Variants in NALF1 observed in about 807,000 individuals in gnomAD.
NALF1 encodes NALCN channel auxiliary factor 1.
In NALF1, 3 loss-of-function variants were observed where a neutral mutation model predicts 48.4. The observed-to-expected ratio is 0.06, with a 90% CI of 0.03 to 0.16. NALF1 has a LOEUF of 0.16. Among genes scored for constraint, NALF1 ranks in the 10% least tolerant of loss-of-function variants. The pLI is 1.00. For synonymous variants in NALF1, 262 were observed against 245.7 expected, an observed-to-expected ratio of 1.07 and a Z score of -0.62; for missense variants, 526 against 571.5, an observed-to-expected ratio of 0.92 and a Z score of 0.81.
intron 1 of NALF1, among the ~76,000 whole-genome samples, chr13:107,847,757 G>A (rs1880210514): frequency 6.6e-6 from 1 of 152,154 alleles, no homozygotes; most frequent in Non-Finnish European, 1.5e-5. Flanking sequence ...AACCCTGGCT[G>A]ACACCTTGAC....
intron 1 of NALF1, among the ~76,000 whole-genome samples, chr13:107,378,028 C>T (rs550947382): frequency 1.3e-5 from 2 of 152,238 alleles, no homozygotes; most frequent in African/African-American, 4.8e-5. Context: ...GCTAAAATGC[C>T]ATCTCATCCT....
chr13:107,397,057 C>A (rs1041098053), intron 1 of NALF1, among the ~76,000 whole-genome samples: 1 of 152,162 alleles, frequency 6.6e-6, no homozygotes, highest in African/African-American at 2.4e-5. Context: ...AGGTCTAACA[C>A]CTGGGACTAG....
intron 1 of NALF1, among the ~76,000 whole-genome samples, chr13:107,396,211 A>G (rs4384481): frequency 0.63 from 95,542 of 151,960 alleles, 30,074 homozygotes; most frequent in African/African-American, 0.65. Flanking sequence ...AGATTAGGTG[A>G]CTTATGTCCT....
intron 1 of NALF1, among the ~76,000 whole-genome samples, chr13:107,824,772 G>A (rs957785473): frequency 1.3e-4 from 20 of 152,214 alleles, no homozygotes; most frequent in African/African-American, 4.8e-4. Context: ...GAATCCTGAC[G>A]AGCATGCAGG....
intron 1 of NALF1, among the ~76,000 whole-genome samples, chr13:107,682,882 CA>C (rs1407375684): frequency 6.6e-6 from 1 of 152,148 alleles, no homozygotes; most frequent in Non-Finnish European, 1.5e-5. Context: ...CAAACTCTTT[CA>C]AAAGCCTATG....
At chr13:107,741,532 G>A (rs368992107) in intron 1 of NALF1, among the ~76,000 whole-genome samples, 6,819 of 152,280 alleles carry the variant, frequency 0.045, 405 homozygotes, top group African/African-American at 0.13. Context: ...ATTTAACACT[G>A]AGAAAATGAT....
intron 1 of NALF1, among the ~76,000 whole-genome samples, chr13:107,779,975 G>A (rs550033369): frequency 1.9e-4 from 29 of 149,320 alleles, no homozygotes; most frequent in Admixed American, 2.7e-4. Flanking sequence ...AGTATGGAAT[G>A]TTTATCTTCA....
intron 1 of NALF1, among the ~76,000 whole-genome samples, chr13:107,535,925 C>T (rs1876792116): frequency 6.6e-6 from 1 of 152,104 alleles, no homozygotes; most frequent in Admixed American, 6.6e-5. Context: ...TAATACTACA[C>T]ATCTACAACC....
chr13:107,672,415 G>A (rs910091840), intron 1 of NALF1, among the ~76,000 whole-genome samples: 1 of 152,106 alleles, frequency 6.6e-6, no homozygotes, highest in Non-Finnish European at 1.5e-5. Flanking sequence ...GTAGCACATA[G>A]GGGAGGTGCT....
At chr13:107,255,997 T>C (rs1317946142) in intron 1 of NALF1, among the ~76,000 whole-genome samples, 1 of 152,186 alleles carries the variant, frequency 6.6e-6, no homozygotes, top group Non-Finnish European at 1.5e-5. Flanking sequence ...CATTATTTGA[T>C]AATATATGTT....
chr13:107,205,784 A>AAATGAT (rs1879627870), intron 2 of NALF1, among the ~76,000 whole-genome samples: 1 of 152,100 alleles, frequency 6.6e-6, no homozygotes, highest in South Asian at 2.1e-4. Context: ...TCTATCAATC[A>AAATGAT]AATGATAATT....
intron 2 of NALF1, among the ~76,000 whole-genome samples, chr13:107,185,094 A>G (rs1879143788): frequency 6.6e-6 from 1 of 152,216 alleles, no homozygotes; most frequent in Non-Finnish European, 1.5e-5. Flanking sequence ...GGATTAGAGC[A>G]GCGCAACTAC....
Position 107,554,482 on chromosome 13 carries a change from C to T in NALF1, c.915+311200G>A, listed in dbSNP as rs140514968. On this transcript the variant is annotated intron_variant, in intron 1 of 2. Coordinates refer to ENST00000375915, the MANE Select transcript of NALF1 (RefSeq NM_001080396.3). ...CAGGGTGCCGCTGGCCAAGGAAAGA[C>T]CCAGGCCAGGCAGTGCAACCAGTCC... 1.1e-3 allele frequency among the ~76,000 whole-genome samples: 172 copies of T among 152,220 alleles called. 1 individual carries two copies. The highest frequency in any genetic ancestry group is 3.9e-3 in the African/African-American group (162 of 41,542).
At chr13:107,710,840 TATAA>T (rs1181902125) in intron 1 of NALF1, among the ~76,000 whole-genome samples, 3 of 149,656 alleles carry the variant, frequency 2.0e-5, no homozygotes, top group Non-Finnish European at 3.0e-5. Flanking sequence ...CAGAGACACG[TATAA>T]ATATACACAG....
intron 1 of NALF1, among the ~76,000 whole-genome samples, chr13:107,664,197 C>A (rs1332643709): frequency 1.3e-5 from 2 of 152,288 alleles, no homozygotes; most frequent in East Asian, 1.9e-4. Context: ...GTTTGCAGGA[C>A]AAACCTAATG....
At chr13:107,231,865 A>G (rs1451329864) in intron 1 of NALF1, among the ~76,000 whole-genome samples, 1 of 152,220 alleles carries the variant, frequency 6.6e-6, no homozygotes, top group African/African-American at 2.4e-5. Flanking sequence ...ACGACTGTAG[A>G]TAGCTTCCCT....
intron 1 of NALF1, among the ~76,000 whole-genome samples, chr13:107,460,688 T>C (rs1310231609): frequency 1.3e-5 from 2 of 152,226 alleles, no homozygotes; most frequent in Non-Finnish European, 2.9e-5. Flanking sequence ...TTGTATACAG[T>C]ACGATATACA....
intron 1 of NALF1, among the ~76,000 whole-genome samples, chr13:107,385,836 AT>A (rs960825533): frequency 1.3e-5 from 2 of 152,122 alleles, no homozygotes; most frequent in African/African-American, 2.4e-5. Context: ...ATTTTTAAAC[AT>A]TTTTTTCTCA....
At chr13:107,499,717 C>T (rs1875455136) in intron 1 of NALF1, among the ~76,000 whole-genome samples, 1 of 152,170 alleles carries the variant, frequency 6.6e-6, no homozygotes, top group Admixed American at 6.6e-5. Context: ...CAGTTACTTC[C>T]TTACGGCTTG....
Sources: gnomAD v4.1 joint callset for allele counts (sites outside exome capture counted in the v4.1 genomes callset) on GRCh38, gnomAD v4.1.1 for gene constraint, MANE v1.5 for transcripts, NCBI Gene and HGNC (gene_info 2026-07-23, HGNC 2026-07-21) for gene names.